The following PHF21A variants were observed in gnomAD, a reference collection of about 807,000 sequenced individuals.
The protein encoded by PHF21A is PHD finger protein 21A.
A neutral mutation model predicts 82.5 loss-of-function variants in PHF21A; 11 were observed. The observed-to-expected ratio is 0.13, with a 90% CI of 0.08 to 0.22. The LOEUF (loss-of-function observed/expected upper bound fraction) is 0.22. Ranked by LOEUF, PHF21A falls within the 10% of genes least tolerant of loss-of-function variation. The probability of loss-of-function intolerance (pLI) is 1.00; values close to 1 mark genes in which losing one functional copy is unlikely to be tolerated. For synonymous variants in PHF21A, 297 were observed against 302.8 expected, an observed-to-expected ratio of 0.98 and a Z score of 0.20; for missense variants, 579 against 837.8, an observed-to-expected ratio of 0.69 and a Z score of 3.81.
Position 45,930,046 on chromosome 11 carries a change from G to A in PHF21A, c.*3922C>T, listed in dbSNP as rs2087521339. ...GCCACCATCCATCTCATTACCCTAA[G>A]AGCCTTTTGCCCCTGGGTAAAAAGT... is the stretch of plus-strand genomic sequence containing the variant. On this transcript the variant is annotated 3_prime_UTR_variant, in exon 19 of 19. Coordinates refer to ENST00000676320, the MANE Select transcript of PHF21A (RefSeq NM_001352027.3). The A allele has an allele frequency of 6.6e-6, 1 of 152,270 alleles. No individual in the cohort carries two copies. Among genetic ancestry groups the A allele is most frequent in the South Asian group, 2.1e-4 (1 of 4,836 alleles). 9.4% of individuals were successfully genotyped at this position (152,270 alleles called of 1,614,324 possible).
At chr11:46,114,060 C>G (rs1399641359) in intron 1 of PHF21A, among the ~76,000 whole-genome samples, 1 of 151,310 alleles carries the variant, frequency 6.6e-6, no homozygotes, top group African/African-American at 2.4e-5. Context: ...AATATTTATG[C>G]CCTCCATTCC....
rs543425508 is a variant in PHF21A at position 45,950,889 on chromosome 11, C to T, written c.1096-632G>A. ...TTCTCACATTTATACTGCCACAATG[C>T]TAACTCACAGCTAAATGATTTTCAG... On this transcript the variant is annotated intron_variant, in intron 11 of 18. Coordinates refer to ENST00000676320, the MANE Select transcript of PHF21A (RefSeq NM_001352027.3). 5.3e-5 allele frequency among the ~76,000 whole-genome samples: 8 copies of T among 152,302 alleles called. No individual in the cohort carries two copies. The South Asian group carries it at 1.7e-3, about 32-fold the overall frequency.
chr11:46,043,747 G>C (rs936294813), intron 6 of PHF21A, among the ~76,000 whole-genome samples: 2 of 152,084 alleles, frequency 1.3e-5, no homozygotes, highest in Non-Finnish European at 2.9e-5. Context: ...TGAATGCAAT[G>C]TCTGCATCTC....
At position 45,992,036 on chromosome 11, in the gene PHF21A, G is replaced by C. The variant is rs114068184; in HGVS notation, c.154-12070C>G. ...AGAGAATGAAGCAGGCCAGGTGTAAGATACTAGGCATGATAGGGACTGACA... is the reference window on the plus strand; with the variant it reads ...AGAGAATGAAGCAGGCCAGGTGTAACATACTAGGCATGATAGGGACTGACA... On this transcript the variant is annotated intron_variant, in intron 6 of 18. Coordinates refer to ENST00000676320, the MANE Select transcript of PHF21A (RefSeq NM_001352027.3). Among the ~76,000 whole-genome samples the C allele has an allele frequency of 1.8e-3, 269 of 152,264 alleles. 1 individual carries two copies. The highest frequency in any genetic ancestry group is 6.3e-3 in the African/African-American group (260 of 41,532).
chr11:46,009,089 C>T (rs1221731764), intron 6 of PHF21A, among the ~76,000 whole-genome samples: 1 of 151,800 alleles, frequency 6.6e-6, no homozygotes, highest in Non-Finnish European at 1.5e-5. Flanking sequence ...ATTCTCCTGC[C>T]TCAGCCTCCT....
Position 46,034,317 on chromosome 11 carries a change from CAT to C in PHF21A, c.153+42435_153+42436del, listed in dbSNP as rs554180718. Among the ~76,000 whole-genome samples the C allele has an allele frequency of 1.7e-4, 25 of 150,940 alleles. No homozygotes were observed. The East Asian group carries it at 4.2e-3, about 26-fold the overall frequency. Reference sequence around the variant, plus strand: ...GTAAGACTAATAACCCTTTGTCACACATGTGTTAAAAATATCTGTCTTGAATT... The same window carrying C: ...GTAAGACTAATAACCCTTTGTCACACGTGTTAAAAATATCTGTCTTGAATT... On this transcript the variant is annotated intron_variant, in intron 6 of 18. Transcript: ENST00000676320.
chr11:46,046,801 T>C (rs1324316684), intron 6 of PHF21A, among the ~76,000 whole-genome samples: 1 of 151,982 alleles, frequency 6.6e-6, no homozygotes, highest in Non-Finnish European at 1.5e-5. Context: ...CTGTGAAGAG[T>C]GTCTGGACAA....
chr11:46,003,583 G>A lies in PHF21A; in HGVS notation c.154-23617C>T, dbSNP rs76612666. ...TGATGACATTTTCACGAAGGGCAGAGTGAGAAAACGCTACAATTCTCACTA... is the reference window on the plus strand; with the variant it reads ...TGATGACATTTTCACGAAGGGCAGAATGAGAAAACGCTACAATTCTCACTA... On this transcript the variant is annotated intron_variant, in intron 6 of 18. Transcript: ENST00000676320. Among the ~76,000 whole-genome samples the A allele has an allele frequency of 8.2e-4, 125 of 152,250 alleles. 1 individual carries two copies. The East Asian group carries it at 0.023, about 28-fold the overall frequency.
rs376981110 is a variant in PHF21A, at chr11:45,934,132, C to T, written c.1882G>A (p.Gly628Ser). The change falls in exon 19 of 19, where the codon GGC becomes AGC. Residue 628 changes from glycine to serine, a missense_variant. Around this residue, in one of 3 missense-constraint regions of PHF21A, gnomAD observed 157 missense variants for 149.4 expected, o/e 1.05. Transcript: ENST00000676320. Reference sequence around the variant, plus strand: ...TCTACAGGTTTGGAGAGGTCGATGCCGTGGATGAGGCGAATCAGCTGTTTT... The same window carrying T: ...TCTACAGGTTTGGAGAGGTCGATGCTGTGGATGAGGCGAATCAGCTGTTTT... Reference protein sequence around the residue: ...KVKQLIRLIHGIDLSKPVDSE... With the variant: ...KVKQLIRLIHSIDLSKPVDSE... The T allele has an allele frequency of 2.2e-5, 36 of 1,614,024 alleles. No individual in the cohort carries two copies. Among genetic ancestry groups the T allele is most frequent in the Admixed American group, 3.3e-5 (2 of 59,992 alleles).
At chr11:46,038,190 A>C (rs2096056700) in intron 6 of PHF21A, among the ~76,000 whole-genome samples, 1 of 151,554 alleles carries the variant, frequency 6.6e-6, no homozygotes, top group Admixed American at 6.6e-5. Flanking sequence ...GCAGTGGCAC[A>C]ATCTCAGCTC....
chr11:46,120,402 G>T (rs1448738571), intron 1 of PHF21A: 3 of 133,106 alleles, frequency 2.3e-5, no homozygotes, highest in African/African-American at 8.2e-5. Flanking sequence ...CCCGCCCGCA[G>T]CCCCCGGCCG....
intron 1 of PHF21A, among the ~76,000 whole-genome samples, chr11:46,093,903 TA>T (rs1391589572): frequency 1.3e-5 from 2 of 152,138 alleles, no homozygotes; most frequent in Admixed American, 1.3e-4. Flanking sequence ...GATTAGGAAG[TA>T]AAATATTACC....
chr11:45,989,577 G>A (rs987888665), intron 6 of PHF21A, among the ~76,000 whole-genome samples: 4 of 151,586 alleles, frequency 2.6e-5, no homozygotes, highest in African/African-American at 9.7e-5. Context: ...GCTGAGGCAG[G>A]AGCATCTCTT....
At chr11:46,114,682 A>AC (rs557453510) in intron 1 of PHF21A, among the ~76,000 whole-genome samples, 487 of 152,322 alleles carry the variant, frequency 3.2e-3, no homozygotes, top group Non-Finnish European at 4.8e-3. Context: ...ATTTAAAAAA[A>AC]ACACACACAA....
At chr11:45,940,837 C>G (rs2090211293) in intron 15 of PHF21A, among the ~76,000 whole-genome samples, 1 of 152,196 alleles carries the variant, frequency 6.6e-6, no homozygotes, top group Non-Finnish European at 1.5e-5. Flanking sequence ...AACTGGGCAT[C>G]TTATTCAGAC....
At chr11:45,963,060 A>G (rs1565282008) in intron 10 of PHF21A, among the ~76,000 whole-genome samples, 1 of 152,132 alleles carries the variant, frequency 6.6e-6, no homozygotes. Flanking sequence ...TAGGGAAAAA[A>G]CCAAATTACA....
chr11:45,975,038 A>G lies in PHF21A; in HGVS notation c.361-3671T>C, dbSNP rs148263326. ...TTTAAAACAGATGGACTCAGGCTGG[A>G]CACAGTGGGTCATGCCTATAATCCC... On this transcript the variant is annotated intron_variant, in intron 7 of 18. Coordinates refer to ENST00000676320, the MANE Select transcript of PHF21A (RefSeq NM_001352027.3). Among the ~76,000 whole-genome samples the G allele has an allele frequency of 8.0e-3, 1,214 of 152,222 alleles. 6 individuals carry two copies. The highest frequency in any genetic ancestry group is 0.024 in the Middle Eastern group (7 of 294).
At chr11:46,079,228 G>T (rs2096761811) in intron 4 of PHF21A, 62 bp from the exon 5 acceptor site, 1 of 1,195,236 alleles carries the variant, frequency 8.4e-7, no homozygotes, top group South Asian at 1.5e-5. Flanking sequence ...TGGCTAATCA[G>T]GTTTGGACCA....
At chr11:46,094,425 C>T (rs2096965675) in intron 1 of PHF21A, among the ~76,000 whole-genome samples, 1 of 152,166 alleles carries the variant, frequency 6.6e-6, no homozygotes, top group African/African-American at 2.4e-5. Flanking sequence ...TGGAGAAGAG[C>T]TTATGGGCCC....
Sources: allele counts gnomAD v4.1 joint callset (sites outside exome capture counted in the v4.1 genomes callset), GRCh38; gene constraint gnomAD v4.1.1; regional missense constraint gnomAD v4.1.1; transcripts MANE v1.5; gene names NCBI Gene and HGNC (gene_info 2026-07-23, HGNC 2026-07-21).